The following RAD54L2 variants were observed in gnomAD, a reference collection of about 807,000 sequenced individuals.
RAD54L2 encodes the protein helicase ARIP4.
Under a neutral mutation model 138.4 loss-of-function variants are expected in RAD54L2, and 27 were observed. The ratio of observed to expected loss-of-function variants is 0.20; its 90% confidence interval spans 0.14 to 0.27. The LOEUF is 0.27. Ranked by LOEUF, RAD54L2 falls within the 10% of genes least tolerant of loss-of-function variation. The pLI, the probability that RAD54L2 is intolerant of heterozygous loss-of-function variation, is 1.00. For synonymous variants in RAD54L2, 644 were observed against 723.2 expected (o/e 0.89, Z 1.76); for missense variants, 1,396 against 1,890.2 (o/e 0.74, Z 4.85).
intron 15 of RAD54L2, among the ~76,000 whole-genome samples, chr3:51,643,554 G>GA (rs1468048683): frequency 3.9e-5 from 6 of 152,294 alleles, no homozygotes; most frequent in African/African-American, 1.4e-4. Context: ...AGGTCACCTT[G>GA]AGCCAGTATT....
rs1701870139 is a variant in RAD54L2 at position 51,664,404 on chromosome 3, T to C, written c.*984T>C. On this transcript the variant is annotated 3_prime_UTR_variant, in exon 23 of 23. Transcript: ENST00000684192. ...GAGTTGTGGCTGGAAAATACATTTT[T>C]CACCAGGGTAGAACTGAGCCCCCAG... The C allele has an allele frequency of 6.6e-6, 1 of 152,236 alleles. No individual in the cohort carries two copies. The highest frequency in any genetic ancestry group is 1.5e-5 in the Non-Finnish European group (1 of 68,056). The allele number at this position is 152,236 out of a possible 1,614,324, so 9.4% of individuals were successfully genotyped here.
chr3:51,633,320 C>T (rs951614352), intron 7 of RAD54L2, among the ~76,000 whole-genome samples: 2 of 152,182 alleles, frequency 1.3e-5, no homozygotes, highest in African/African-American at 4.8e-5. Context: ...AAGATCCTGT[C>T]AGGAATTTGA....
intron 2 of RAD54L2, among the ~76,000 whole-genome samples, chr3:51,585,855 T>C (rs1394400889): frequency 6.6e-6 from 1 of 152,150 alleles, no homozygotes; most frequent in African/African-American, 2.4e-5. Context: ...GAACTTGCAC[T>C]GTAAGAACAC....
At chr3:51,542,166 G>T (rs1295059156) in intron 2 of RAD54L2, among the ~76,000 whole-genome samples, 3 of 152,128 alleles carry the variant, frequency 2.0e-5, no homozygotes, top group South Asian at 2.1e-4. Context: ...GCTTTGGTTT[G>T]GTTTTGTTTT....
At chr3:51,655,713 C>T (rs1701581398) in intron 19 of RAD54L2, among the ~76,000 whole-genome samples, 1 of 152,214 alleles carries the variant, frequency 6.6e-6, no homozygotes, top group South Asian at 2.1e-4. Flanking sequence ...TGTCTCCCAT[C>T]TCCAGAAAGT....
intron 2 of RAD54L2, among the ~76,000 whole-genome samples, chr3:51,547,893 CT>C (rs1449638369): frequency 6.6e-6 from 1 of 150,786 alleles, no homozygotes; most frequent in Non-Finnish European, 1.5e-5. Context: ...TTCTTTCTTT[CT>C]TTTTTTTTGT....
intron 3 of RAD54L2, among the ~76,000 whole-genome samples, chr3:51,596,960 T>A (rs1426928686): frequency 3.3e-5 from 5 of 151,698 alleles, no homozygotes; most frequent in South Asian, 2.1e-4. Flanking sequence ...AGGTCAGGAG[T>A]TCGAGACCAG....
At chr3:51,539,758 T>TAA (rs1400799418) in intron 1 of RAD54L2, among the ~76,000 whole-genome samples, 6 of 152,274 alleles carry the variant, frequency 3.9e-5, no homozygotes, top group South Asian at 2.1e-4. Flanking sequence ...AGTGACCTCT[T>TAA]ACTGCGTGGG....
chr3:51,586,649 A>G (rs1699716706), intron 2 of RAD54L2, among the ~76,000 whole-genome samples: 1 of 151,238 alleles, frequency 6.6e-6, no homozygotes, highest in African/African-American at 2.4e-5. Flanking sequence ...GCTCACTGGA[A>G]TCTCCACCTC....
At chr3:51,623,980 C>CAAAAAA (rs35064930) in intron 3 of RAD54L2, among the ~76,000 whole-genome samples, 12 of 74,016 alleles carry the variant, frequency 1.6e-4, no homozygotes, top group Non-Finnish European at 2.1e-4. Context: ...CTCCGTCTCA[C>CAAAAAA]AAAAAAAAAA....
intron 3 of RAD54L2, among the ~76,000 whole-genome samples, chr3:51,598,992 C>A (rs1255965076): frequency 6.6e-6 from 1 of 152,130 alleles, no homozygotes; most frequent in Non-Finnish European, 1.5e-5. Context: ...TTCATGGGAA[C>A]CCCAACATGA....
At chr3:51,590,582 C>T in intron 3 of RAD54L2, 23 bp downstream of exon 3, 1 of 1,552,276 alleles carries the variant, frequency 6.4e-7, no homozygotes, top group East Asian at 2.4e-5. Flanking sequence ...TATTGAGTGA[C>T]AGAAGTTGCC....
intron 2 of RAD54L2, among the ~76,000 whole-genome samples, chr3:51,578,136 T>TC (rs1193746453): frequency 7.8e-5 from 5 of 63,728 alleles, no homozygotes; most frequent in Non-Finnish European, 6.3e-5. Context: ...TCCCCCACAC[T>TC]CCCCCCCTGC....
In RAD54L2 at chr3:51,543,309, C is replaced by T. The variant is rs528077965; in HGVS notation, c.-55+1659C>T. Among the ~76,000 whole-genome samples, 13 of 152,156 alleles carry T rather than the reference C, an allele frequency of 8.5e-5. No individual in the cohort carries two copies. The South Asian group carries it at 2.1e-3, about 24-fold the overall frequency. ...CCTCCATTCTGCTGGTCTTTAATTC[C>T]AGATAAGAGTAAGTAATGGCCAGGC... On this transcript the variant is annotated intron_variant, in intron 2 of 22. Transcript: ENST00000684192.
chr3:51,634,351 C>T (rs1700925562), intron 9 of RAD54L2, among the ~76,000 whole-genome samples: 1 of 146,168 alleles, frequency 6.8e-6, no homozygotes, highest in African/African-American at 2.5e-5. Context: ...GATCTTTCCA[C>T]TGTCTGATTT....
intron 2 of RAD54L2, among the ~76,000 whole-genome samples, chr3:51,553,155 G>C (rs575302333): frequency 6.6e-6 from 1 of 152,220 alleles, no homozygotes; most frequent in East Asian, 1.9e-4. Context: ...TCGGCTCACT[G>C]CAACCTCCAC....
rs748122398 is a variant in RAD54L2, at chr3:51,659,999, A to G, written c.3317-27A>G. Reference sequence around the variant, plus strand: ...TTGGCTGTATTATATGTCTGCCTCTAACTGTCTTCTTCGTGTCTATTCTTA... The same window carrying G: ...TTGGCTGTATTATATGTCTGCCTCTGACTGTCTTCTTCGTGTCTATTCTTA... On this transcript the variant is annotated intron_variant, in intron 21 of 22. Coordinates refer to ENST00000684192, the MANE Select transcript of RAD54L2 (RefSeq NM_015106.4). The G allele has an allele frequency of 9.7e-6, 15 of 1,544,888 alleles. No homozygotes were observed. The African/African-American group carries it at 1.9e-4, about 20-fold the overall frequency.
chr3:51,633,210 A>G (rs1388243014), intron 7 of RAD54L2, among the ~76,000 whole-genome samples: 4 of 152,154 alleles, frequency 2.6e-5, no homozygotes, highest in African/African-American at 9.7e-5. Flanking sequence ...ACAGAGCCAG[A>G]CTCTGTCTCA....
intron 3 of RAD54L2, among the ~76,000 whole-genome samples, chr3:51,622,251 A>G (rs2106781364): frequency 6.6e-6 from 1 of 152,248 alleles, no homozygotes; most frequent in Middle Eastern, 3.4e-3. Flanking sequence ...CACATAAGCA[A>G]TGGCCCTTTG....
Sources: gnomAD v4.1 joint callset for allele counts (sites outside exome capture counted in the v4.1 genomes callset) on GRCh38, gnomAD v4.1.1 for gene constraint, MANE v1.5 for transcripts, NCBI Gene and HGNC (gene_info 2026-07-23, HGNC 2026-07-21) for gene names.